CNTN4: variants seen among roughly 807,000 people sequenced by gnomAD.
The protein encoded by CNTN4 is contactin-4.
A neutral mutation model predicts 122.5 loss-of-function variants in CNTN4; 77 were observed. The ratio of observed to expected loss-of-function variants is 0.63; its 90% CI spans 0.52 to 0.76. The LOEUF is 0.76. Among genes scored for constraint, CNTN4 ranks in the 30% least tolerant of loss-of-function variants. The probability of loss-of-function intolerance (pLI) is 0.00; values close to 1 mark genes in which losing one functional copy is unlikely to be tolerated. For missense variants in CNTN4, 1,256 were observed against 1,259.1 expected (o/e 1.00, Z 0.04); for synonymous variants, 512 against 447.0 (o/e 1.15, Z -1.83).
At chr3:2,541,558 T>G (rs2078032586) in intron 3 of CNTN4, among the ~76,000 whole-genome samples, 1 of 152,158 alleles carries the variant, frequency 6.6e-6, no homozygotes. Flanking sequence ...TTTAAGAGTA[T>G]TCACTGTTCA....
intron 3 of CNTN4, among the ~76,000 whole-genome samples, chr3:2,427,880 A>G (rs539848820): frequency 3.3e-5 from 5 of 151,824 alleles, no homozygotes; most frequent in South Asian, 2.1e-4. Flanking sequence ...TTTATCAGAG[A>G]CTAAGATTGC....
At chr3:2,458,511 G>A (rs546602223) in intron 3 of CNTN4, among the ~76,000 whole-genome samples, 1 of 152,200 alleles carries the variant, frequency 6.6e-6, no homozygotes, top group African/African-American at 2.4e-5. Flanking sequence ...TATTAATTAA[G>A]CATTATCTAT....
At chr3:3,052,789 ACCTAGCCCCATAAAGT>A (rs941829084) in intron 23 of CNTN4, among the ~76,000 whole-genome samples, 17 of 152,262 alleles carry the variant, frequency 1.1e-4, no homozygotes, top group African/African-American at 4.1e-4. Flanking sequence ...CCTCTTGGCT[ACCTAGCCCCATAAAGT>A]GGGGTTCCAG....
intron 2 of CNTN4, among the ~76,000 whole-genome samples, chr3:2,230,975 G>A (rs565799545): frequency 1.3e-5 from 2 of 152,070 alleles, no homozygotes; most frequent in East Asian, 1.9e-4. Context: ...GCGACAAAGC[G>A]AGACTCTGTT....
chr3:2,301,889 A>T (rs2042539098), intron 2 of CNTN4, among the ~76,000 whole-genome samples: 1 of 152,232 alleles, frequency 6.6e-6, no homozygotes, highest in Non-Finnish European at 1.5e-5. Flanking sequence ...CAGATTAGCA[A>T]TTTACGTGAG....
At chr3:2,944,380 A>C (rs549197514) in intron 13 of CNTN4, among the ~76,000 whole-genome samples, 4 of 152,308 alleles carry the variant, frequency 2.6e-5, no homozygotes, top group Admixed American at 6.5e-5. Flanking sequence ...CATCTAGTCT[A>C]AGAACTCCTT....
chr3:2,550,840 T>C (rs1474778611), intron 3 of CNTN4, among the ~76,000 whole-genome samples: 2 of 152,070 alleles, frequency 1.3e-5, no homozygotes, highest in African/African-American at 2.4e-5. Context: ...CTCAGCCAAC[T>C]AACACAAGAA....
At chr3:2,364,125 C>T (rs114430441) in intron 3 of CNTN4, among the ~76,000 whole-genome samples, 2,756 of 152,126 alleles carry the variant, frequency 0.018, 90 homozygotes, top group African/African-American at 0.063. Context: ...GGGTGGGCAA[C>T]GTGGTATATT....
chr3:2,225,338 C>A (rs899005632), intron 2 of CNTN4, among the ~76,000 whole-genome samples: 1 of 151,430 alleles, frequency 6.6e-6, no homozygotes, highest in Non-Finnish European at 1.5e-5. Context: ...GATGGTGAAA[C>A]CCCCTCTCTA....
chr3:3,012,372 T>G (rs1312779759), intron 14 of CNTN4, among the ~76,000 whole-genome samples: 1 of 152,172 alleles, frequency 6.6e-6, no homozygotes, highest in Non-Finnish European at 1.5e-5. Flanking sequence ...TGTCACATTC[T>G]TAGTAATAGC....
At chr3:2,390,855 A>G (rs2046416999) in intron 3 of CNTN4, among the ~76,000 whole-genome samples, 1 of 152,208 alleles carries the variant, frequency 6.6e-6, no homozygotes, top group Admixed American at 6.5e-5. Flanking sequence ...GAATTGCCCG[A>G]CCCAAACCTT....
chr3:2,340,285 TGGAGTGGA>T (rs1019567941), intron 3 of CNTN4, among the ~76,000 whole-genome samples: 12 of 152,114 alleles, frequency 7.9e-5, no homozygotes, highest in African/African-American at 2.7e-4. Context: ...AATCATAACA[TGGAGTGGA>T]GGAAGGTCTC....
intron 6 of CNTN4, among the ~76,000 whole-genome samples, chr3:2,778,304 A>ATAAGAGAAAACCATGATACAATTGTTTT (rs145187437): frequency 0.66 from 98,130 of 149,128 alleles, 34,465 homozygotes; most frequent in Non-Finnish European, 0.78. Flanking sequence ...CCATGTATGT[A>ATAAGAGAAAACCATGATACAATTGTTTT]TAAGAGAAAA....
At chr3:2,542,100 C>T (rs1394698828) in intron 3 of CNTN4, among the ~76,000 whole-genome samples, 1 of 152,062 alleles carries the variant, frequency 6.6e-6, no homozygotes, top group African/African-American at 2.4e-5. Flanking sequence ...TGCCTTCTGC[C>T]ACCACATTAG....
At chr3:2,164,160 A>C (rs112228812) in intron 2 of CNTN4, among the ~76,000 whole-genome samples, 3 of 152,106 alleles carry the variant, frequency 2.0e-5, no homozygotes, top group African/African-American at 7.2e-5. Flanking sequence ...CTGTACCCCC[A>C]CAACTATTGA....
At chr3:2,100,281 G>A (rs1197716712) in intron 1 of CNTN4, among the ~76,000 whole-genome samples, 44 of 152,190 alleles carry the variant, frequency 2.9e-4, no homozygotes, top group Admixed American at 2.7e-3. Context: ...AATAACAGTG[G>A]CATTTAACTG....
intron 2 of CNTN4, among the ~76,000 whole-genome samples, chr3:2,337,147 T>A (rs908919107): frequency 6.6e-6 from 1 of 152,124 alleles, no homozygotes; most frequent in Non-Finnish European, 1.5e-5. Context: ...TGCTTTCTAT[T>A]CTCTTTGGCA....
At chr3:2,786,906 C>T (rs7653220) in intron 6 of CNTN4, among the ~76,000 whole-genome samples, 152,006 of 152,280 alleles carry the variant, frequency 1, 75,867 homozygotes, top group Non-Finnish European at 1. Context: ...ATATTAACCT[C>T]AAATGCAGTA....
chr3:2,500,514 A>C (rs969279777), intron 3 of CNTN4, among the ~76,000 whole-genome samples: 1 of 152,110 alleles, frequency 6.6e-6, no homozygotes, highest in Non-Finnish European at 1.5e-5. Flanking sequence ...AGAATTCTGC[A>C]TACAATCTAA....
Sources: gnomAD v4.1 joint callset for allele counts (sites outside exome capture counted in the v4.1 genomes callset) on GRCh38, gnomAD v4.1.1 for gene constraint, MANE v1.5 for transcripts, NCBI Gene and HGNC (gene_info 2026-07-23, HGNC 2026-07-21) for gene names.